The following KDM4C variants were observed in gnomAD, a reference collection of about 807,000 sequenced individuals.
KDM4C encodes lysine demethylase 4C.
KDM4C carries 81 observed loss-of-function variants against 129.3 expected under a neutral mutation model. The ratio of observed to expected loss-of-function variants is 0.63; its 90% CI spans 0.52 to 0.75. KDM4C has a LOEUF of 0.75. Ranked by LOEUF, KDM4C falls within the 30% of genes least tolerant of loss-of-function variation. The pLI is 0.00. For missense variants in KDM4C, 1,457 were observed against 1,304.0 expected, an observed-to-expected ratio of 1.12 and a Z score of -1.81; for synonymous variants, 573 against 456.1, an observed-to-expected ratio of 1.26 and a Z score of -3.26.
At chr9:7,163,673 T>C (rs2130390877) in intron 19 of KDM4C, among the ~76,000 whole-genome samples, 1 of 152,120 alleles carries the variant, frequency 6.6e-6, no homozygotes, top group East Asian at 1.9e-4. Context: ...TACCTTCCAG[T>C]GTTCTCGGTA....
chr9:6,969,309 A>C (rs1022449194), intron 8 of KDM4C, among the ~76,000 whole-genome samples: 17 of 152,118 alleles, frequency 1.1e-4, no homozygotes, highest in African/African-American at 4.1e-4. Context: ...ATATGTATAA[A>C]CTTTTCATAT....
At chr9:7,043,547 G>C (rs1365250272) in intron 15 of KDM4C, among the ~76,000 whole-genome samples, 1 of 151,952 alleles carries the variant, frequency 6.6e-6, no homozygotes, top group Non-Finnish European at 1.5e-5. Flanking sequence ...TTAATCATAG[G>C]CATGTAATGA....
chr9:6,915,557 C>A (rs1820152996), intron 8 of KDM4C, among the ~76,000 whole-genome samples: 1 of 152,140 alleles, frequency 6.6e-6, no homozygotes, highest in South Asian at 2.1e-4. Flanking sequence ...TTATGCTATT[C>A]TACTGGCAAA....
chr9:7,097,344 G>A (rs183454795), intron 17 of KDM4C, among the ~76,000 whole-genome samples: 1 of 152,298 alleles, frequency 6.6e-6, no homozygotes, highest in East Asian at 1.9e-4. Flanking sequence ...AAAACTTTGA[G>A]AGAAACCCTG....
intron 5 of KDM4C, among the ~76,000 whole-genome samples, chr9:6,873,406 G>A (rs1205706347): frequency 1.3e-5 from 2 of 152,212 alleles, no homozygotes; most frequent in African/African-American, 4.8e-5. Context: ...TTGAAAATCT[G>A]TTGTTTAATG....
intron 1 of KDM4C, among the ~76,000 whole-genome samples, chr9:6,761,895 T>A (rs1280639953): frequency 6.6e-6 from 1 of 152,078 alleles, no homozygotes; most frequent in Admixed American, 6.6e-5. Flanking sequence ...CACTGCAACC[T>A]CCGACTCCCT....
intron 17 of KDM4C, among the ~76,000 whole-genome samples, chr9:7,102,896 C>T (rs1270436820): frequency 6.6e-6 from 1 of 152,162 alleles, no homozygotes; most frequent in Non-Finnish European, 1.5e-5. Context: ...TCACAACTTA[C>T]ATTTAGTGAA....
At chr9:6,753,861 T>G (rs1429192252), upstream of KDM4C, among the ~76,000 whole-genome samples, 2 of 150,622 alleles carry the variant, frequency 1.3e-5, no homozygotes, top group Non-Finnish European at 2.9e-5. Context: ...ATTACTATCA[T>G]TGAATTCTTT....
Position 7,019,721 on chromosome 9 carries a change from A to T in KDM4C, c.2259+3792A>T, listed in dbSNP as rs191692534. On this transcript the variant is annotated intron_variant, in intron 15 of 21. Coordinates refer to ENST00000381309, the MANE Select transcript of KDM4C (RefSeq NM_015061.6). ...ATAATATTTTTATATATAAAAATAT[A>T]ATATTTTTATATATAAAAATATAAT... Among the ~76,000 whole-genome samples the T allele has an allele frequency of 2.3e-3, 223 of 98,602 alleles. 2 individuals are homozygous for T. Among genetic ancestry groups the T allele is most frequent in the South Asian group, 5.9e-3 (21 of 3,578 alleles). 64.7% of individuals were successfully genotyped at this position (98,602 alleles called of 152,430 possible).
chr9:7,165,379 A>T (rs1465793884), intron 20 of KDM4C, 22 bp downstream of exon 20: 5 of 1,611,654 alleles, frequency 3.1e-6, no homozygotes, highest in East Asian at 4.5e-5. Flanking sequence ...CTTCTCTGTG[A>T]TGCTTGCTAA....
At chr9:6,807,699 T>A (rs1398969430) in intron 3 of KDM4C, among the ~76,000 whole-genome samples, 1 of 143,392 alleles carries the variant, frequency 7.0e-6, no homozygotes, top group African/African-American at 2.6e-5. Flanking sequence ...CTGCCCCGTC[T>A]GAGAAGTGAG....
At chr9:7,142,431 C>A (rs1438219427) in intron 19 of KDM4C, among the ~76,000 whole-genome samples, 1 of 152,168 alleles carries the variant, frequency 6.6e-6, no homozygotes, top group Non-Finnish European at 1.5e-5. Flanking sequence ...CCTTTCTATT[C>A]AGTGGCTTTG....
At chr9:6,771,083 T>A in intron 1 of KDM4C, among the ~76,000 whole-genome samples, 1 of 70,006 alleles carries the variant, frequency 1.4e-5, no homozygotes, top group African/African-American at 5.9e-5. Context: ...TGTGAATCTT[T>A]TTTTTTTTTT....
At chr9:7,134,513 T>C (rs1334889481) in intron 19 of KDM4C, among the ~76,000 whole-genome samples, 3 of 152,206 alleles carry the variant, frequency 2.0e-5, no homozygotes, top group Non-Finnish European at 2.9e-5. Flanking sequence ...TATATACATT[T>C]CTCACAAATG....
intron 6 of KDM4C, among the ~76,000 whole-genome samples, chr9:6,885,335 A>G (rs769612398): frequency 6.6e-6 from 1 of 152,106 alleles, no homozygotes; most frequent in Non-Finnish European, 1.5e-5. Flanking sequence ...TCACTTTTAC[A>G]TTGTATGTGA....
At position 7,127,767 on chromosome 9, in the gene KDM4C, G is replaced by T. The variant is rs776652670; in HGVS notation, c.2611-299G>T. 3.9e-5 allele frequency: 8 copies of T among 206,996 alleles called. No homozygotes were observed. In the Admixed American group the frequency reaches 4.0e-4, roughly 10 times the overall value. 12.8% of individuals were successfully genotyped at this position (206,996 alleles called of 1,614,324 possible). A position where few individuals can be genotyped will look rare whatever the true frequency, so the allele number is the denominator to read the frequency against. ...GATATATTTGCATATACACATACACGTGTGTATATATATACATACATATTG... is the reference window on the plus strand; with the variant it reads ...GATATATTTGCATATACACATACACTTGTGTATATATATACATACATATTG... On this transcript the variant is annotated intron_variant, in intron 18 of 21. Transcript: ENST00000381309.
At chr9:6,866,107 A>G (rs1841923900) in intron 5 of KDM4C, among the ~76,000 whole-genome samples, 1 of 144,402 alleles carries the variant, frequency 6.9e-6, no homozygotes, top group South Asian at 2.2e-4. Flanking sequence ...CTGGTCTCGG[A>G]CTCCTGACCT....
chr9:7,130,189 G>A (rs1840463185), intron 19 of KDM4C, among the ~76,000 whole-genome samples: 1 of 152,200 alleles, frequency 6.6e-6, no homozygotes, highest in East Asian at 1.9e-4. Context: ...TTTTGGTGAG[G>A]AACACTGTGG....
intron 8 of KDM4C, among the ~76,000 whole-genome samples, chr9:6,932,189 A>G (rs1287546787): frequency 2.0e-5 from 3 of 152,200 alleles, no homozygotes; most frequent in Admixed American, 6.5e-5. Context: ...CTGGATTCCA[A>G]CAGGTGTGTA....
Sources: allele counts gnomAD v4.1 joint callset (sites outside exome capture counted in the v4.1 genomes callset), GRCh38; gene constraint gnomAD v4.1.1; transcripts MANE v1.5; gene names NCBI Gene and HGNC (gene_info 2026-07-23, HGNC 2026-07-21).